Variants in ATXN7L1 observed in about 807,000 individuals in gnomAD.
ATXN7L1 encodes ataxin 7 like 1.
Under a neutral mutation model 70.8 loss-of-function variants are expected in ATXN7L1, and 15 were observed. That is an observed-to-expected ratio of 0.21 (90% CI 0.14 to 0.33). The LOEUF (loss-of-function observed/expected upper bound fraction) is 0.33. ATXN7L1 is among the 10% of genes least tolerant of loss of function. ATXN7L1 has a pLI of 1.00. For synonymous variants in ATXN7L1, 440 were observed against 445.1 expected, an observed-to-expected ratio of 0.99 and a Z score of 0.14; for missense variants, 975 against 1,097.1, an observed-to-expected ratio of 0.89 and a Z score of 1.57.
intron 2 of ATXN7L1, among the ~76,000 whole-genome samples, chr7:105,857,626 G>A (rs1228293167): frequency 6.6e-6 from 1 of 152,206 alleles, no homozygotes; most frequent in Non-Finnish European, 1.5e-5. Context: ...TGAAAGGTGG[G>A]AGAAGGATTA....
chr7:105,619,528 ATATTTTTTTTTTTTTTT>A (rs1393900664), intron 9 of ATXN7L1, among the ~76,000 whole-genome samples: 40 of 14,744 alleles, frequency 2.7e-3, no homozygotes, highest in East Asian at 0.025. Flanking sequence ...ATATATATAT[ATATTTTTTTTTTTTTTT>A]TTTTTTTTTT....
At chr7:105,685,044 GATA>G (rs112358794) in intron 3 of ATXN7L1, among the ~76,000 whole-genome samples, 20,101 of 142,494 alleles carry the variant, frequency 0.14, 1,398 homozygotes, top group Middle Eastern at 0.18. Flanking sequence ...GAGAAGAGAT[GATA>G]ATAATAATAA....
rs181283180 is a variant in ATXN7L1, at chr7:105,656,007, C to T, written c.578+9059G>A. 4.2e-4 allele frequency among the ~76,000 whole-genome samples: 64 copies of T among 152,368 alleles called. No individual in the cohort carries two copies. The East Asian group carries it at 9.4e-3, about 22-fold the overall frequency. ...GAGCATATTTAGCATTCAACACACA[C>T]GTGTGGGTTGATAAGGCCCAAAGAG... On this transcript the variant is annotated intron_variant, in intron 4 of 11. Coordinates refer to ENST00000419735, the MANE Select transcript of ATXN7L1 (RefSeq NM_020725.2).
chr7:105,624,798 C>T (rs1428290220), intron 7 of ATXN7L1, among the ~76,000 whole-genome samples: 2 of 152,126 alleles, frequency 1.3e-5, no homozygotes, highest in African/African-American at 4.8e-5. Flanking sequence ...TAGGTTCTGC[C>T]CCACTTGTTG....
At chr7:105,810,047 C>T (rs1808206464) in intron 2 of ATXN7L1, among the ~76,000 whole-genome samples, 1 of 152,222 alleles carries the variant, frequency 6.6e-6, no homozygotes, top group Non-Finnish European at 1.5e-5. Flanking sequence ...GTTGAGACTA[C>T]AGGTGTGAGC....
At chr7:105,785,076 G>A (rs915946401) in intron 3 of ATXN7L1, among the ~76,000 whole-genome samples, 1 of 152,170 alleles carries the variant, frequency 6.6e-6, no homozygotes, top group Non-Finnish European at 1.5e-5. Flanking sequence ...CAGACCTCGG[G>A]CAAAGCACTG....
At chr7:105,783,433 C>T (rs1028910841) in intron 3 of ATXN7L1, among the ~76,000 whole-genome samples, 11 of 152,156 alleles carry the variant, frequency 7.2e-5, no homozygotes, top group African/African-American at 2.2e-4. Flanking sequence ...TCTTTTTATG[C>T]TAATGAGATG....
At chr7:105,628,068 C>CA in intron 7 of ATXN7L1, among the ~76,000 whole-genome samples, 1 of 151,686 alleles carries the variant, frequency 6.6e-6, no homozygotes, top group East Asian at 1.9e-4. Context: ...TGGTCTTGAA[C>CA]TCTTGACCTC....
chr7:105,643,405 G>A (rs902585216), intron 4 of ATXN7L1, among the ~76,000 whole-genome samples: 2 of 152,092 alleles, frequency 1.3e-5, no homozygotes, highest in Non-Finnish European at 2.9e-5. Context: ...CCCACTTCCC[G>A]GGCCCTATAG....
chr7:105,872,395 A>G (rs1249985296), intron 2 of ATXN7L1, among the ~76,000 whole-genome samples: 1 of 152,224 alleles, frequency 6.6e-6, no homozygotes, highest in African/African-American at 2.4e-5. Flanking sequence ...ATTACTCAAA[A>G]TGGCCAAAAT....
intron 3 of ATXN7L1, among the ~76,000 whole-genome samples, chr7:105,687,434 T>C (rs563419019): frequency 6.6e-6 from 1 of 152,184 alleles, no homozygotes; most frequent in South Asian, 2.1e-4. Context: ...CCTAATCCAA[T>C]AGGATAGGTG....
intron 9 of ATXN7L1, among the ~76,000 whole-genome samples, chr7:105,616,122 C>A (rs1455871268): frequency 3.3e-5 from 5 of 152,230 alleles, no homozygotes; most frequent in Non-Finnish European, 7.3e-5. Flanking sequence ...TTCACTGTAG[C>A]TGGGGCTCAC....
rs148884338 is a variant in ATXN7L1 at position 105,661,608 on chromosome 7, T to C, written c.578+3458A>G. On this transcript the variant is annotated intron_variant, in intron 4 of 11. Transcript: ENST00000419735. ...TTTGATTTTCTTACTCCTAGCTCAG[T>C]ACAGGTCTGGGGAACTGCACTCTGG... Among the ~76,000 whole-genome samples the C allele has an allele frequency of 6.2e-4, 95 of 152,312 alleles. No individual in the cohort carries two copies. The Middle Eastern group carries it at 0.01, about 16-fold the overall frequency.
intron 2 of ATXN7L1, among the ~76,000 whole-genome samples, chr7:105,810,730 T>C (rs1808317475): frequency 6.6e-6 from 1 of 152,176 alleles, no homozygotes; most frequent in Non-Finnish European, 1.5e-5. Context: ...AAGCCGGGGA[T>C]GGCATGGGGG....
chr7:105,826,941 T>G (rs182221762), intron 2 of ATXN7L1, among the ~76,000 whole-genome samples: 2 of 152,340 alleles, frequency 1.3e-5, no homozygotes, highest in Admixed American at 6.5e-5. Flanking sequence ...GAAGAGCTGA[T>G]ACGGTTTGCC....
intron 9 of ATXN7L1, among the ~76,000 whole-genome samples, chr7:105,619,891 G>T (rs1333483968): frequency 1.3e-5 from 2 of 151,298 alleles, no homozygotes; most frequent in South Asian, 4.2e-4. Context: ...GATTCTCTAG[G>T]AGCAATAAAA....
At chr7:105,757,036 A>G (rs500909) in intron 3 of ATXN7L1, among the ~76,000 whole-genome samples, 19,755 of 152,202 alleles carry the variant, frequency 0.13, 1,604 homozygotes, top group East Asian at 0.4. Flanking sequence ...CACCCAACAG[A>G]CTACAAATAC....
chr7:105,615,116 A>G (rs1477650920), intron 9 of ATXN7L1, among the ~76,000 whole-genome samples: 1 of 152,100 alleles, frequency 6.6e-6, no homozygotes, highest in African/African-American at 2.4e-5. Flanking sequence ...TGTTATTTAG[A>G]ATAGAAATCT....
At chr7:105,672,884 G>A (rs987811289) in intron 3 of ATXN7L1, among the ~76,000 whole-genome samples, 1 of 152,194 alleles carries the variant, frequency 6.6e-6, no homozygotes, top group African/African-American at 2.4e-5. Context: ...GAGTTGGGGG[G>A]CCCCAGTACC....
Sources: allele counts gnomAD v4.1 joint callset (sites outside exome capture counted in the v4.1 genomes callset), GRCh38; gene constraint gnomAD v4.1.1; transcripts MANE v1.5; gene names NCBI Gene and HGNC (gene_info 2026-07-23, HGNC 2026-07-21).